Variants in CNOT2 observed in about 807,000 individuals in gnomAD.
The protein encoded by CNOT2 is CC chemokine receptor 4-negative regulator of transcription 2.
CNOT2 carries 7 observed loss-of-function variants against 72.1 expected under a neutral mutation model. The observed-to-expected ratio is 0.10, with a 90% CI of 0.06 to 0.18. The LOEUF is 0.18. CNOT2 is among the 10% of genes least tolerant of loss of function. CNOT2 has a pLI of 1.00. For missense variants in CNOT2, 345 were observed against 660.3 expected, an observed-to-expected ratio of 0.52 and a Z score of 5.23; for synonymous variants, 196 against 225.6, an observed-to-expected ratio of 0.87 and a Z score of 1.17.
intron 2 of CNOT2, chr12:70,294,327 A>T: frequency 7.8e-7 from 1 of 1,281,202 alleles, no homozygotes; most frequent in South Asian, 1.2e-5. Flanking sequence ...CGGGGGAAAA[A>T]TGGTACTGTC....
At chr12:70,347,193 G>C (rs755903143) in intron 15 of CNOT2, among the ~76,000 whole-genome samples, 4 of 151,938 alleles carry the variant, frequency 2.6e-5, no homozygotes, top group Non-Finnish European at 5.9e-5. Flanking sequence ...CAATTTTTTA[G>C]TTGTCAATTT....
At chr12:70,277,960 T>C (rs1017764725) in intron 1 of CNOT2, among the ~76,000 whole-genome samples, 172 bp from the exon 2 acceptor site, 1 of 152,212 alleles carries the variant, frequency 6.6e-6, no homozygotes, top group African/African-American at 2.4e-5. Flanking sequence ...ATAATTTCTG[T>C]TGCAAATAAA....
intron 2 of CNOT2, among the ~76,000 whole-genome samples, chr12:70,302,523 G>T (rs544549305): frequency 1.2e-3 from 183 of 152,196 alleles, no homozygotes; most frequent in Non-Finnish European, 2.1e-4. Context: ...TAGTTGAGAG[G>T]TTTTGAGTGA....
At chr12:70,284,595 T>G (rs75696721) in intron 2 of CNOT2, among the ~76,000 whole-genome samples, 1 of 133,806 alleles carries the variant, frequency 7.5e-6, no homozygotes, top group Non-Finnish European at 1.6e-5. Flanking sequence ...TTTTTTTTTT[T>G]GGCATTCATG....
At chr12:70,311,141 T>A in intron 3 of CNOT2, 124 bp downstream of exon 3, 1 of 625,988 alleles carries the variant, frequency 1.6e-6, no homozygotes, top group East Asian at 2.7e-5. Context: ...AGCACAGTGC[T>A]AGTCCCTTTG....
chr12:70,310,882 T>C lies in CNOT2; in HGVS notation c.49-13T>C, dbSNP rs376768007. 5.6e-6 allele frequency: 9 copies of C among 1,609,634 alleles called. No individual in the cohort carries two copies. The African/African-American group carries it at 9.4e-5, about 17-fold the overall frequency. On this transcript the variant is annotated splice_polypyrimidine_tract_variant and intron_variant, in intron 2 of 15. Transcript: ENST00000229195. The stretch of plus-strand genomic sequence containing the variant: ...AAAGTATTACCCCTGATAAAAGTAA[T>C]ATTTTTGTTTAGGTGACAAACAGCA...
intron 2 of CNOT2, among the ~76,000 whole-genome samples, chr12:70,302,076 C>T (rs925519615): frequency 1.3e-5 from 2 of 152,130 alleles, no homozygotes; most frequent in African/African-American, 4.8e-5. Flanking sequence ...TCCCCTTTGG[C>T]ATTTTTTATT....
At chr12:70,257,521 C>T (rs933933713) in intron 1 of CNOT2, among the ~76,000 whole-genome samples, 2 of 151,688 alleles carry the variant, frequency 1.3e-5, no homozygotes, top group Admixed American at 1.3e-4. Flanking sequence ...CCACTGTGCC[C>T]GGCTATTTTT....
At chr12:70,328,718 T>TA (rs200104483) in intron 4 of CNOT2, among the ~76,000 whole-genome samples, 9,307 of 143,248 alleles carry the variant, frequency 0.065, 416 homozygotes, top group East Asian at 0.16. Flanking sequence ...TAGCAGTCTT[T>TA]AAAAAAAAAA....
intron 15 of CNOT2, among the ~76,000 whole-genome samples, chr12:70,350,397 A>G (rs1208387024): frequency 6.6e-6 from 1 of 152,182 alleles, no homozygotes; most frequent in Admixed American, 6.5e-5. Flanking sequence ...TACTTTAGTA[A>G]TGTGTACTTT....
rs149739599 is a variant in CNOT2 at position 70,255,890 on chromosome 12, A to T, written c.-96+12410A>T. On this transcript the variant is annotated intron_variant, in intron 1 of 15. Transcript: ENST00000229195. Reference sequence around the variant, plus strand: ...AATATAAAACATGAACTTCTAGAAGATCTACAGATTCTGGTCAAGATATGC... The same window carrying T: ...AATATAAAACATGAACTTCTAGAAGTTCTACAGATTCTGGTCAAGATATGC... Among the ~76,000 whole-genome samples, 434 of 152,322 alleles carry T rather than the reference A, an allele frequency of 2.8e-3. 1 individual carries two copies. The highest frequency in any genetic ancestry group is 4.6e-3 in the Non-Finnish European group (312 of 68,014).
At chr12:70,244,001 C>T (rs1406185469) in intron 1 of CNOT2, 2 of 152,286 alleles carry the variant, frequency 1.3e-5, no homozygotes, top group African/African-American at 2.4e-5. Flanking sequence ...TTCTTACCTT[C>T]TCTCAATACA....
chr12:70,266,272 C>T (rs994363799), intron 1 of CNOT2, among the ~76,000 whole-genome samples: 3 of 151,950 alleles, frequency 2.0e-5, no homozygotes, highest in Non-Finnish European at 2.9e-5. Context: ...TATAGGCATG[C>T]ACCACCATGC....
intron 2 of CNOT2, among the ~76,000 whole-genome samples, chr12:70,292,204 G>A (rs1257155604): frequency 6.6e-6 from 1 of 152,150 alleles, no homozygotes; most frequent in African/African-American, 2.4e-5. Flanking sequence ...ATGCACTTGA[G>A]AAGACTACAT....
chr12:70,311,120 A>T, intron 3 of CNOT2, 103 bp downstream of exon 3: 1 of 792,382 alleles, frequency 1.3e-6, no homozygotes, highest in Middle Eastern at 3.8e-4. Context: ...TGGTTGAGTG[A>T]CAATCTTTTC....
intron 1 of CNOT2, among the ~76,000 whole-genome samples, chr12:70,266,847 TG>T (rs1959071766): frequency 6.6e-6 from 1 of 152,076 alleles, no homozygotes; most frequent in Admixed American, 6.5e-5. Context: ...GTCTTTTTTT[TG>T]TTTTTTTAAC....
At chr12:70,331,800 A>T (rs1195432615) in intron 6 of CNOT2, 2 of 151,864 alleles carry the variant, frequency 1.3e-5, no homozygotes, top group Non-Finnish European at 2.9e-5. Context: ...AAAACCCAAA[A>T]AACCCTGTCA....
Position 70,335,546 on chromosome 12 carries a change from C to G in CNOT2, c.758C>G (p.Ala253Gly). Residue 253 changes from alanine to glycine, a missense_variant, in exon 8 of 16, where the codon GCT (alanine) becomes GGT (glycine). By Grantham distance (60) the Ala-to-Gly change is moderately conservative. Around this residue, in one of 4 missense-constraint regions of CNOT2, gnomAD observed 128 missense variants for 233.0 expected, o/e 0.55. Coordinates refer to ENST00000229195, the MANE Select transcript of CNOT2 (RefSeq NM_014515.7). ...GNPTPLINPL[A>G]GRAPYVGMVT... is the part of the protein sequence containing the mutation. ...CCAACTCCATTAATAAACCCCTTGGCTGGAAGAGCTCCTTATGGTAATTAA... is the reference window on the plus strand; with the variant it reads ...CCAACTCCATTAATAAACCCCTTGGGTGGAAGAGCTCCTTATGGTAATTAA... 7 of 1,610,578 alleles carry G rather than the reference C, an allele frequency of 4.3e-6. No individual in the cohort carries two copies. Among genetic ancestry groups the G allele is most frequent in the Non-Finnish European group, 5.9e-6 (7 of 1,177,170 alleles).
At chr12:70,300,477 A>G (rs1042374444) in intron 2 of CNOT2, among the ~76,000 whole-genome samples, 22 of 152,210 alleles carry the variant, frequency 1.4e-4, no homozygotes, top group African/African-American at 4.1e-4. Flanking sequence ...TAAATAGGCA[A>G]TCCTTTCCCC....
Sources: allele counts gnomAD v4.1 joint callset (sites outside exome capture counted in the v4.1 genomes callset), GRCh38; gene constraint gnomAD v4.1.1; regional missense constraint gnomAD v4.1.1; transcripts MANE v1.5; gene names NCBI Gene and HGNC (gene_info 2026-07-23, HGNC 2026-07-21).